The following NLRP13 variants were observed in gnomAD, a reference collection of about 807,000 sequenced individuals.
NLRP13 encodes NLR family pyrin domain containing 13.
A neutral mutation model predicts 94.4 loss-of-function variants in NLRP13; 82 were observed. The ratio of observed to expected loss-of-function variants is 0.87; its 90% CI spans 0.73 to 1.04. The LOEUF (loss-of-function observed/expected upper bound fraction) is 1.04. NLRP13 is among the 50% of genes least tolerant of loss of function. The probability of loss-of-function intolerance (pLI) is 0.00; values close to 1 mark genes in which losing one functional copy is unlikely to be tolerated. For missense variants in NLRP13, 1,426 were observed against 1,230.8 expected (o/e 1.16, Z -2.37); for synonymous variants, 553 against 464.7 (o/e 1.19, Z -2.45).
chr19:55,928,071 C>A (rs947229658), intron 1 of NLRP13, among the ~76,000 whole-genome samples: 2 of 152,178 alleles, frequency 1.3e-5, no homozygotes, highest in South Asian at 2.1e-4. Flanking sequence ...GAGCTTTTAT[C>A]GTCCCCTGCA....
chr19:55,931,169 A>G (rs959170062), intron 1 of NLRP13, among the ~76,000 whole-genome samples: 2 of 152,116 alleles, frequency 1.3e-5, no homozygotes, highest in Middle Eastern at 3.4e-3. Flanking sequence ...AAAGTGTAGA[A>G]TGGGCAAGGC....
At chr19:55,922,475 A>G (rs1986855353) in intron 4 of NLRP13, among the ~76,000 whole-genome samples, 1 of 152,014 alleles carries the variant, frequency 6.6e-6, no homozygotes, top group Non-Finnish European at 1.5e-5. Flanking sequence ...CTACAGGCAC[A>G]CACCACCATG....
At position 55,911,566 on chromosome 19, in the gene NLRP13, T is replaced by A. The variant is rs935953785; in HGVS notation, c.2111+140A>T. 2.8e-5 allele frequency: 21 copies of A among 763,144 alleles called. No individual in the cohort carries two copies. In the African/African-American group the frequency reaches 3.4e-4, roughly 12 times the overall value. The allele number at this position is 763,144 out of a possible 1,614,324, so 47.3% of individuals were successfully genotyped here. On this transcript the variant is annotated intron_variant, in intron 5 of 10. Transcript: ENST00000342929. ...GCCTAAAGGACAACATTCTTTCAAG[T>A]TAGAGCTGCTCCAGACCATTTGGTC... is the stretch of plus-strand genomic sequence containing the variant.
At chr19:55,930,901 A>ATATATATATATATATATATATATATTTT (rs1338071833) in intron 1 of NLRP13, among the ~76,000 whole-genome samples, 1 of 98,286 alleles carries the variant, frequency 1.0e-5, no homozygotes, top group South Asian at 3.1e-4. Context: ...TATATATAAA[A>ATATATATATATATATATATATATATTTT]TTTTAACCAG....
In NLRP13 at chr19:55,897,780, A is replaced by G. The variant is rs115888273; in HGVS notation, c.2957+990T>C. ...TATATAGTAGATTTAACAATCTCTG[A>G]ATAGAGGTTTGAGGTGGCTGGTAAA... is the stretch of plus-strand genomic sequence containing the variant. On this transcript the variant is annotated intron_variant, in intron 10 of 10. Transcript: ENST00000342929. Among the ~76,000 whole-genome samples the G allele has an allele frequency of 8.7e-3, 1,332 of 152,290 alleles. 22 individuals carry two copies. The highest frequency in any genetic ancestry group is 0.03 in the African/African-American group (1,261 of 41,550).
chr19:55,925,944 C>T (rs1986956748), intron 1 of NLRP13, among the ~76,000 whole-genome samples: 1 of 152,084 alleles, frequency 6.6e-6, no homozygotes. Flanking sequence ...GCTCCACAGA[C>T]CCTACCTGTG....
rs1187260914 is a variant in NLRP13 at position 55,913,273 on chromosome 19, C to G, written c.544G>C (p.Glu182Gln). Reference protein sequence around the residue: ...EEADHRRKYRENMKAELLETW... With the variant: ...EEADHRRKYRQNMKAELLETW... The stretch of plus-strand genomic sequence containing the variant: ...TCCAGTAGTTCAGCCTTCATGTTCT[C>G]TCTGTATTTTCTTCTGTGGTCTAGA... The change falls in exon 5 of 11, where the codon GAG becomes CAG. Residue 182 changes from glutamate to glutamine, a missense_variant. Physicochemically the swap from Glu to Gln is conservative, Grantham distance 29 (BLOSUM62 2). Coordinates refer to ENST00000342929, the MANE Select transcript of NLRP13 (RefSeq NM_176810.2). 3.1e-6 allele frequency: 5 copies of G among 1,613,902 alleles called. No individual in the cohort carries two copies. The highest frequency in any genetic ancestry group is 8.5e-7 in the Non-Finnish European group (1 of 1,179,934).
chr19:55,897,819 G>A (rs1986055144), intron 10 of NLRP13, among the ~76,000 whole-genome samples: 1 of 152,152 alleles, frequency 6.6e-6, no homozygotes, highest in Non-Finnish European at 1.5e-5. Flanking sequence ...CAACAATGCT[G>A]GAGGTGGTTT....
In NLRP13 at chr19:55,911,158, A is replaced by C. The variant is rs193197651; in HGVS notation, c.2112-425T>G. Among the ~76,000 whole-genome samples, 9 of 152,342 alleles carry C rather than the reference A, an allele frequency of 5.9e-5. No individual in the cohort carries two copies. The East Asian group carries it at 1.7e-3, about 29-fold the overall frequency. ...GGAGACAGAGAAAGATGAGCAAAGG[A>C]AAATGTCCCTATGTTAGAGCCATGG... On this transcript the variant is annotated intron_variant, in intron 5 of 10. Coordinates refer to ENST00000342929, the MANE Select transcript of NLRP13 (RefSeq NM_176810.2).
At chr19:55,892,066 CCTT>C, downstream of NLRP13, 1 of 1,227,608 alleles carries the variant, frequency 8.1e-7, no homozygotes, top group African/African-American at 1.6e-5. Context: ...AGACAGAGCT[CCTT>C]CTGTGAGGTC....
In NLRP13 at chr19:55,929,217, C is replaced by T. The variant is rs547825630; in HGVS notation, c.319+2776G>A. On this transcript the variant is annotated intron_variant, in intron 1 of 10. Transcript: ENST00000342929. ...TCAACCATTGTGGAAGACAGTGTGG[C>T]GATTCCTCAAGGATCTAGAACTAGA... 2.3e-3 allele frequency among the ~76,000 whole-genome samples: 356 copies of T among 152,212 alleles called. 1 individual carries two copies. The highest frequency in any genetic ancestry group is 8.1e-3 in the Admixed American group (124 of 15,288).
At chr19:55,896,643 CCT>C (rs765719067) in intron 10 of NLRP13, among the ~76,000 whole-genome samples, 73 of 151,158 alleles carry the variant, frequency 4.8e-4, no homozygotes, top group Middle Eastern at 7.0e-3. Flanking sequence ...ATGGTGAAAC[CCT>C]GTCTCTACTA....
chr19:55,928,996 A>C (rs545929098), intron 1 of NLRP13, among the ~76,000 whole-genome samples: 5 of 152,374 alleles, frequency 3.3e-5, no homozygotes, highest in Admixed American at 2.0e-4. Context: ...TCTCAAAAGA[A>C]GACATTTATG....
At chr19:55,906,546 G>C (rs1456649319) in intron 7 of NLRP13, among the ~76,000 whole-genome samples, 1 of 152,044 alleles carries the variant, frequency 6.6e-6, no homozygotes, top group African/African-American at 2.4e-5. Flanking sequence ...AGCTCCTTCA[G>C]GGGACACGTT....
intron 1 of NLRP13, among the ~76,000 whole-genome samples, chr19:55,930,358 G>T (rs377535): frequency 8.6e-5 from 13 of 151,996 alleles, no homozygotes. Flanking sequence ...ATAGTGAAGA[G>T]TCAGTACAAA....
intron 8 of NLRP13, 64 bp downstream of exon 8, chr19:55,904,878 A>G (rs968316632): frequency 1.5e-6 from 2 of 1,344,286 alleles, no homozygotes; most frequent in East Asian, 4.7e-5. Flanking sequence ...AAATGAAGAA[A>G]CCATTGTTCT....
At chr19:55,892,092 C>G (rs1985866638), downstream of NLRP13, 1 of 1,231,874 alleles carries the variant, frequency 8.1e-7, no homozygotes, top group African/African-American at 1.5e-5. Context: ...TATCTCCTCT[C>G]TCACTACATT....
At chr19:55,905,191 C>A in intron 7 of NLRP13, 79 bp from the exon 8 acceptor site, 1 of 1,435,048 alleles carries the variant, frequency 7.0e-7, no homozygotes, top group Non-Finnish European at 9.6e-7. Flanking sequence ...ACCCCTTAAC[C>A]CCCGAGACCC....
chr19:55,898,194 G>GTTTTTTTT (rs1209396021), intron 10 of NLRP13, among the ~76,000 whole-genome samples: 1 of 59,274 alleles, frequency 1.7e-5, no homozygotes, highest in African/African-American at 8.0e-5. Flanking sequence ...TAGCAGGAGA[G>GTTTTTTTT]TTTTTGTTTT....
Sources: gnomAD v4.1 joint callset for allele counts (sites outside exome capture counted in the v4.1 genomes callset) on GRCh38, gnomAD v4.1.1 for gene constraint, MANE v1.5 for transcripts, NCBI Gene and HGNC (gene_info 2026-07-23, HGNC 2026-07-21) for gene names.